The following SPIRE2 variants were observed in gnomAD, a reference collection of about 807,000 sequenced individuals.
The protein encoded by SPIRE2 is spire type actin nucleation factor 2.
SPIRE2 carries 76 observed loss-of-function variants against 80.7 expected under a neutral mutation model. That is an observed-to-expected ratio of 0.94 (90% CI 0.78 to 1.14). The LOEUF (loss-of-function observed/expected upper bound fraction) is 1.14. Among genes scored for constraint, SPIRE2 ranks in the 50% most tolerant of loss-of-function variants. The pLI, the probability that SPIRE2 is intolerant of heterozygous loss-of-function variation, is 0.00. For missense variants in SPIRE2, 1,196 were observed against 1,015.3 expected (o/e 1.18, Z -2.42); for synonymous variants, 535 against 432.6 (o/e 1.24, Z -2.94).
Position 89,828,848 on chromosome 16 carries a change from C to T in SPIRE2, c.244+54C>T, listed in dbSNP as rs1306655555. On this transcript the variant is annotated intron_variant, in intron 1 of 14. Transcript: ENST00000378247. The surrounding 1 kb of genome is among the most constrained non-coding windows in gnomAD (Gnocchi z 5.9). The stretch of plus-strand genomic sequence containing the variant: ...GGACCGCGGTCTGGGGCGTCCGTCC[C>T]GCCCCCTGGGTGGGGGTGGTCCCGG... The T allele has an allele frequency of 1.3e-5, 15 of 1,162,856 alleles. No individual in the cohort carries two copies. The highest frequency in any genetic ancestry group is 1.6e-5 in the African/African-American group (1 of 61,916). 72.0% of individuals were successfully genotyped at this position (1,162,856 alleles called of 1,614,324 possible). A position where few individuals can be genotyped will look rare whatever the true frequency, so the allele number is the denominator to read the frequency against.
Position 89,858,236 on chromosome 16 carries a change from A to G in SPIRE2, c.1103-102A>G, listed in dbSNP as rs2143818296. Reference sequence around the variant, plus strand: ...GCTAGCCCTCAGTTTCCCCTTCTGCAAAGTCAGGGAATTAAGCCAGCTGGT... The same window carrying G: ...GCTAGCCCTCAGTTTCCCCTTCTGCGAAGTCAGGGAATTAAGCCAGCTGGT... On this transcript the variant is annotated intron_variant, in intron 7 of 14. Coordinates refer to ENST00000378247, the MANE Select transcript of SPIRE2 (RefSeq NM_032451.2). 4.0e-6 allele frequency: 5 copies of G among 1,246,730 alleles called. No homozygotes were observed. The East Asian group carries it at 1.3e-4, about 32-fold the overall frequency. The allele number at this position is 1,246,730 out of a possible 1,614,324, so 77.2% of individuals were successfully genotyped here.
rs531084290 is a variant in SPIRE2 at position 89,848,545 on chromosome 16, A to T, written c.289-1759A>T. Among the ~76,000 whole-genome samples, 10 of 144,450 alleles carry T rather than the reference A, an allele frequency of 6.9e-5. No individual in the cohort carries two copies. The South Asian group carries it at 2.2e-3, about 31-fold the overall frequency. The allele number at this position is 144,450 out of a possible 152,430, so 94.8% of individuals were successfully genotyped here. A position where few individuals can be genotyped will look rare whatever the true frequency, so the allele number is the denominator to read the frequency against. ...CTTCTGTGGTGTTTCTGCAGGACAGACGAGGCAGGTTCCAGGGCCTTCTAC... is the reference window on the plus strand; with the variant it reads ...CTTCTGTGGTGTTTCTGCAGGACAGTCGAGGCAGGTTCCAGGGCCTTCTAC... On this transcript the variant is annotated intron_variant, in intron 2 of 14. Transcript: ENST00000378247.
intron 14 of SPIRE2, 143 bp downstream of exon 14, chr16:89,869,825 G>C (rs1197601827): frequency 8.1e-6 from 6 of 743,338 alleles, no homozygotes; most frequent in African/African-American, 5.2e-5. Context: ...ACGGATCGTT[G>C]TGTAGGGCTC....
chr16:89,830,031 G>C (rs2041364272), intron 1 of SPIRE2, among the ~76,000 whole-genome samples: 1 of 151,268 alleles, frequency 6.6e-6, no homozygotes, highest in Non-Finnish European at 1.5e-5. Context: ...TAGGCAGCCT[G>C]GTTCGTCTGA....
intron 1 of SPIRE2, among the ~76,000 whole-genome samples, chr16:89,844,473 CTG>C (rs926749697): frequency 1.3e-5 from 2 of 151,330 alleles, no homozygotes; most frequent in South Asian, 2.1e-4. Flanking sequence ...GAGTCTCACT[CTG>C]TTGCCCAGGC....
chr16:89,850,403 G>A lies in SPIRE2; in HGVS notation c.388G>A (p.Asp130Asn), dbSNP rs1218245597. 4 of 1,595,304 alleles carry A rather than the reference G, an allele frequency of 2.5e-6. No homozygotes were observed. Among genetic ancestry groups the A allele is most frequent in the Admixed American group, 1.7e-5 (1 of 57,626 alleles). Reference protein sequence around the residue: ...ELSPQLERLIDLMANNDSEDS... With the variant: ...ELSPQLERLINLMANNDSEDS... The stretch of plus-strand genomic sequence containing the variant: ...CAGCCCTCAGCTGGAGCGGCTCATC[G>A]ACCTCATGGCCAACAACGACAGCGA... The change falls in exon 3 of 15, where the codon GAC becomes AAC. Residue 130 changes from aspartate (D) to asparagine (N), a missense_variant. Physicochemically the swap from Asp to Asn is conservative, Grantham distance 23. Transcript: ENST00000378247.
Position 89,863,163 on chromosome 16 carries a change from A to T in SPIRE2, c.1576-313A>T. ...AGATGGATTCTGGCTGGTGTGGATC[A>T]GCCCATGGTGTGTTTGCAGGCAGGG... On this transcript the variant is annotated intron_variant, in intron 10 of 14. Transcript: ENST00000378247. This position sits in a 1 kb window ranked among gnomAD's most constrained non-coding sequence, Gnocchi z 4.3. 2.6e-6 allele frequency: 1 copy of T among 382,716 alleles called. No individual in the cohort carries two copies. Among genetic ancestry groups the T allele is most frequent in the Non-Finnish European group, 4.9e-6 (1 of 205,816 alleles). 23.7% of individuals were successfully genotyped at this position (382,716 alleles called of 1,614,324 possible). A position where few individuals can be genotyped will look rare whatever the true frequency, so the allele number is the denominator to read the frequency against.
At chr16:89,845,563 G>A (rs2041550973) in intron 2 of SPIRE2, 198 bp downstream of exon 2, 1 of 709,766 alleles carries the variant, frequency 1.4e-6, no homozygotes, top group Non-Finnish European at 2.6e-6. Flanking sequence ...GACCGCCGGG[G>A]TGGGGAGGGT....
intron 1 of SPIRE2, among the ~76,000 whole-genome samples, chr16:89,839,287 T>C (rs1376109226): frequency 6.7e-6 from 1 of 149,238 alleles, no homozygotes; most frequent in Non-Finnish European, 1.5e-5. Context: ...GGCAGGAGAA[T>C]GGCATGAACC....
rs113022951 is a variant in SPIRE2, at chr16:89,851,215, G to A, written c.645+555G>A. ...GCCTGAGTTGTTATCCTCTCCCAGC[G>A]CGCATTATTCTCTCTTCCTCCACTT... is the stretch of plus-strand genomic sequence containing the variant. On this transcript the variant is annotated intron_variant, in intron 3 of 14. Coordinates refer to ENST00000378247, the MANE Select transcript of SPIRE2 (RefSeq NM_032451.2). Among the ~76,000 whole-genome samples the A allele has an allele frequency of 4.8e-3, 726 of 152,236 alleles. 4 individuals carry two copies. The highest frequency in any genetic ancestry group is 0.017 in the African/African-American group (694 of 41,534).
chr16:89,859,348 G>C lies in SPIRE2; in HGVS notation c.1456G>C (p.Asp486His), dbSNP rs781136100. The C allele has an allele frequency of 2.6e-6, 4 of 1,562,178 alleles. No individual in the cohort carries two copies. The East Asian group carries it at 7.0e-5, about 27-fold the overall frequency. ...SAHVWRPGSRDQGTCPASVSD... is the reference protein window; with the variant it reads ...SAHVWRPGSRHQGTCPASVSD... ...GCATGTGTGGAGGCCCGGCTCCCGA[G>C]ACCAGGGCAAGTGCTGCTTCTCACC... The change falls in exon 9 of 15, where the codon GAC (aspartate) becomes CAC (histidine). Residue 486 changes from aspartate to histidine, a missense_variant. Physicochemically the swap from Asp to His is moderately conservative, Grantham distance 81. Coordinates refer to ENST00000378247, the MANE Select transcript of SPIRE2 (RefSeq NM_032451.2).
intron 1 of SPIRE2, among the ~76,000 whole-genome samples, chr16:89,839,286 A>AT (rs2041480726): frequency 6.6e-6 from 1 of 151,252 alleles, no homozygotes; most frequent in Non-Finnish European, 1.5e-5. Context: ...AGGCAGGAGA[A>AT]TGGCATGAAC....
chr16:89,863,563 A>G lies in SPIRE2; in HGVS notation c.1663A>G (p.Lys555Glu). The G allele has an allele frequency of 6.2e-7, 1 of 1,614,012 alleles. No individual in the cohort carries two copies. The highest frequency in any genetic ancestry group is 8.5e-7 in the Non-Finnish European group (1 of 1,180,016). Residue 555 changes from lysine (K) to glutamate (E), a missense_variant, in exon 11 of 15, where the codon AAG (lysine) becomes GAG (glutamate). Transcript: ENST00000378247. This position sits in a 1 kb window ranked among gnomAD's most constrained non-coding sequence, Gnocchi z 4.3. Reference protein sequence around the residue: ...RRVLVKAEMEKFLQNKELFSS... With the variant: ...RRVLVKAEMEEFLQNKELFSS... ...TGTGCTGGTGAAGGCCGAGATGGAA[A>G]AGTTTTTGCAGAACAAGGAGCTCTT...
chr16:89,832,157 G>A (rs530210149), intron 1 of SPIRE2, among the ~76,000 whole-genome samples: 1 of 152,250 alleles, frequency 6.6e-6, no homozygotes, highest in Non-Finnish European at 1.5e-5. Context: ...GCACCCCATG[G>A]TTACGGCCCA....
chr16:89,832,115 G>A (rs996778568), intron 1 of SPIRE2, among the ~76,000 whole-genome samples: 3 of 152,246 alleles, frequency 2.0e-5, no homozygotes, highest in Non-Finnish European at 2.9e-5. Context: ...GCGTGCCCGC[G>A]TGAGGCAAGA....
chr16:89,832,817 T>G (rs1054061391), intron 1 of SPIRE2, among the ~76,000 whole-genome samples: 1 of 151,922 alleles, frequency 6.6e-6, no homozygotes, highest in African/African-American at 2.4e-5. Flanking sequence ...GGGCCCTGTT[T>G]TTGTTGTTGT....
At chr16:89,865,209 T>C (rs2041778954) in intron 12 of SPIRE2, among the ~76,000 whole-genome samples, 1 of 152,114 alleles carries the variant, frequency 6.6e-6, no homozygotes, top group African/African-American at 2.4e-5. Context: ...GGTTTCACCA[T>C]GTTAGCCAGG....
chr16:89,843,482 A>G (rs1226102049), intron 1 of SPIRE2, among the ~76,000 whole-genome samples: 1 of 151,334 alleles, frequency 6.6e-6, no homozygotes, highest in Non-Finnish European at 1.5e-5. Flanking sequence ...CGGTGGTCTC[A>G]GTCAGATGCC....
Position 89,855,493 on chromosome 16 carries a change from G to A in SPIRE2, c.892-107G>A, listed in dbSNP as rs531434795. 1.1e-5 allele frequency: 10 copies of A among 901,942 alleles called. No individual in the cohort carries two copies. In the African/African-American group the frequency reaches 1.2e-4, roughly 10 times the overall value. 55.9% of individuals were successfully genotyped at this position (901,942 alleles called of 1,614,324 possible). A position where few individuals can be genotyped will look rare whatever the true frequency, so the allele number is the denominator to read the frequency against. ...CCTGCGAGCAAAGAGTGGGAGGGCG[G>A]GTAGGTGCGAAGACCAGGCTGTCCT... On this transcript the variant is annotated intron_variant, in intron 5 of 14. Transcript: ENST00000378247.
Sources: gnomAD v4.1 joint callset for allele counts (sites outside exome capture counted in the v4.1 genomes callset) on GRCh38, gnomAD v4.1.1 for gene constraint, Gnocchi (gnomAD v3.1) non-coding constraint, MANE v1.5 for transcripts, NCBI Gene and HGNC (gene_info 2026-07-23, HGNC 2026-07-21) for gene names.